FAHD2A: variants seen among roughly 807,000 people sequenced by gnomAD.
FAHD2A encodes oxaloacetate tautomerase FAHD2A, mitochondrial.
Under a neutral mutation model 33.4 loss-of-function variants are expected in FAHD2A, and 27 were observed. The observed-to-expected ratio is 0.81, with a 90% CI of 0.60 to 1.11. The LOEUF is 1.11. Ranked by LOEUF, FAHD2A falls within the 50% of genes most tolerant of loss-of-function variation. The probability of loss-of-function intolerance (pLI) is 0.00; values close to 1 mark genes in which losing one functional copy is unlikely to be tolerated. For synonymous variants in FAHD2A, 130 were observed against 153.3 expected (o/e 0.85, Z 1.12); for missense variants, 296 against 395.0 (o/e 0.75, Z 2.12).
downstream of FAHD2A, among the ~76,000 whole-genome samples, chr2:95,417,257 A>G (rs1683236944): frequency 6.6e-6 from 1 of 152,232 alleles, no homozygotes; most frequent in South Asian, 2.1e-4. Context: ...TGAATCCTAA[A>G]CATCACCCTT....
downstream of FAHD2A, among the ~76,000 whole-genome samples, chr2:95,418,983 C>T (rs533954903): frequency 2.3e-4 from 35 of 152,160 alleles, 1 homozygote; most frequent in African/African-American, 8.0e-4. Context: ...AAGACACAGA[C>T]ATACAGAGAG....
rs1259672995 is a variant in FAHD2A, at chr2:95,410,859, C to T, written c.523-5C>T. 5 of 1,613,794 alleles carry T rather than the reference C, an allele frequency of 3.1e-6. No homozygotes were observed. The highest frequency in any genetic ancestry group is 4.2e-6 in the Non-Finnish European group (5 of 1,179,810). Reference sequence around the variant, plus strand: ...CCTGTATGGCCAAATCCCCTGCCCCCATAGGCCACAGATGCTATGGCCCAC... The same window carrying T: ...CCTGTATGGCCAAATCCCCTGCCCCTATAGGCCACAGATGCTATGGCCCAC... On this transcript the variant is annotated splice_polypyrimidine_tract_variant and splice_region_variant and intron_variant, in intron 4 of 7. Transcript: ENST00000233379.
chr2:95,413,433 A>T lies in FAHD2A; in HGVS notation c.*476A>T, dbSNP rs1036456212. The T allele has an allele frequency of 1.0e-5, 16 of 1,606,544 alleles. No homozygotes were observed. The highest frequency in any genetic ancestry group is 1.3e-5 in the Non-Finnish European group (15 of 1,178,390). Reference sequence around the variant, plus strand: ...TTCTGGGGCTCAGAAGTCTCAGCACAGGCTCCTTCTCACAGTTCTAGCTAC... The same window carrying T: ...TTCTGGGGCTCAGAAGTCTCAGCACTGGCTCCTTCTCACAGTTCTAGCTAC... On this transcript the variant is annotated 3_prime_UTR_variant, in exon 8 of 8. Transcript: ENST00000233379.
At chr2:95,405,001 G>A (rs1387325765) in intron 1 of FAHD2A, among the ~76,000 whole-genome samples, 1 of 152,236 alleles carries the variant, frequency 6.6e-6, no homozygotes, top group Non-Finnish European at 1.5e-5. Flanking sequence ...GACCAAAATA[G>A]CATTTAAAAA....
chr2:95,417,370 G>A (rs1404149553), downstream of FAHD2A, among the ~76,000 whole-genome samples: 1 of 152,048 alleles, frequency 6.6e-6, no homozygotes, highest in African/African-American at 2.4e-5. Context: ...AGTTTTTCAG[G>A]CTTCCTGACT....
Position 95,415,801 on chromosome 2 carries a change from A to T in FAHD2A, c.*2844A>T, listed in dbSNP as rs1390697058. The T allele has an allele frequency of 2.6e-5, 4 of 152,782 alleles. No individual in the cohort carries two copies. The East Asian group carries it at 7.7e-4, about 29-fold the overall frequency. The allele number at this position is 152,782 out of a possible 1,614,324, so 9.5% of individuals were successfully genotyped here. On this transcript the variant is annotated 3_prime_UTR_variant, in exon 8 of 8. Transcript: ENST00000233379. ...TCCGTGCGCAGGAGGTCACACTCCC[A>T]TGCTGCATCCCAGCCCCTCCAGAAG...
Position 95,412,466 on chromosome 2 carries a change from A to G in FAHD2A, c.718A>G (p.Asn240Asp), listed in dbSNP as rs1682692913. The change falls in exon 6 of 8, where the codon AAT (asparagine) becomes GAT (aspartate). Residue 240 changes from asparagine to aspartate, a missense_variant. By Grantham distance (23) the Asn-to-Asp change is conservative. Coordinates refer to ENST00000233379, the MANE Select transcript of FAHD2A (RefSeq NM_016044.3). The part of the protein sequence containing the change: ...PHNLKICCRV[N>D]GEVVQSGNTN... ...CAACTTAAAGATCTGCTGCCGAGTG[A>G]ATGGGGAAGTGGTCCAGAGCGGCAA... 1 of 1,613,826 alleles carries G rather than the reference A, an allele frequency of 6.2e-7. No individual in the cohort carries two copies. The highest frequency in any genetic ancestry group is 1.3e-5 in the African/African-American group (1 of 74,914).
chr2:95,413,844 A>G lies in FAHD2A; in HGVS notation c.*887A>G, dbSNP rs983837826. On this transcript the variant is annotated 3_prime_UTR_variant, in exon 8 of 8. Transcript: ENST00000233379. ...ACACCAAGTAAATCCCAGGGTCTTA[A>G]TGAGGCACCATCAGGCCAGCCCTGT... The G allele has an allele frequency of 1.3e-4, 95 of 759,764 alleles. No individual in the cohort carries two copies. Among genetic ancestry groups the G allele is most frequent in the Admixed American group, 1.1e-4 (5 of 47,352 alleles). The allele number at this position is 759,764 out of a possible 1,614,324, so 47.1% of individuals were successfully genotyped here. A position where few individuals can be genotyped will look rare whatever the true frequency, so the allele number is the denominator to read the frequency against.
At chr2:95,406,875 C>G (rs1422367977) in intron 2 of FAHD2A, 66 bp from the exon 3 acceptor site, 2 of 1,505,292 alleles carry the variant, frequency 1.3e-6, no homozygotes, top group East Asian at 4.9e-5. Flanking sequence ...GCAGGATCTG[C>G]CCAGCCTGCC....
chr2:95,405,311 C>G, intron 1 of FAHD2A: 1 of 478,678 alleles, frequency 2.1e-6, no homozygotes, highest in East Asian at 3.3e-5. Flanking sequence ...TCAGAAAGCA[C>G]TGGTTGAAGG....
chr2:95,413,330 A>G lies in FAHD2A; in HGVS notation c.*373A>G. 1.4e-6 allele frequency: 2 copies of G among 1,470,422 alleles called. No individual in the cohort carries two copies. The highest frequency in any genetic ancestry group is 9.0e-7 in the Non-Finnish European group (1 of 1,109,612). The allele number at this position is 1,470,422 out of a possible 1,614,324, so 91.1% of individuals were successfully genotyped here. On this transcript the variant is annotated 3_prime_UTR_variant, in exon 8 of 8. Transcript: ENST00000233379. ...AAAAAGCAAGAGATGGCAAGGGACA[A>G]TCAAGCCTCAATGATTATATTTATA...
At position 95,410,464 on chromosome 2, in the gene FAHD2A, C is replaced by A. The variant is rs191541450; in HGVS notation, c.463-63C>A. 1.3e-5 allele frequency: 20 copies of A among 1,562,652 alleles called. No homozygotes were observed. The African/African-American group carries it at 2.4e-4, about 19-fold the overall frequency. On this transcript the variant is annotated intron_variant, in intron 3 of 7. Coordinates refer to ENST00000233379, the MANE Select transcript of FAHD2A (RefSeq NM_016044.3). ...GAGGCCCTTCAGCATGGTGTGCAGC[C>A]TCTCAGCATGGACAGTGGGCCCTGA... is the stretch of plus-strand genomic sequence containing the variant.
rs1682652103 is a variant in FAHD2A, at chr2:95,412,298, G to GCACT, written c.686-135_686-132dup. ...TCTATACAGAAAGTTCTAACATAGA[G>GCACT]CACTGAGTCAATGTGGGCACTTTGA... On this transcript the variant is annotated intron_variant, in intron 5 of 7. Transcript: ENST00000233379. 14 of 970,422 alleles carry GCACT rather than the reference G, an allele frequency of 1.4e-5. No homozygotes were observed. The South Asian group carries it at 2.2e-4, about 16-fold the overall frequency. The allele number at this position is 970,422 out of a possible 1,614,324, so 60.1% of individuals were successfully genotyped here.
At chr2:95,419,783 C>G (rs535688733), downstream of FAHD2A, among the ~76,000 whole-genome samples, 1 of 151,954 alleles carries the variant, frequency 6.6e-6, no homozygotes, top group African/African-American at 2.4e-5. Context: ...CTCTCACATA[C>G]AGACCTATAT....
At chr2:95,417,241 T>C (rs921779978), downstream of FAHD2A, among the ~76,000 whole-genome samples, 6 of 152,324 alleles carry the variant, frequency 3.9e-5, no homozygotes, top group Non-Finnish European at 5.9e-5. Context: ...GAGTTGACCT[T>C]AATGCTGAAT....
At chr2:95,417,894 GTAGT>G (rs1201008265), downstream of FAHD2A, among the ~76,000 whole-genome samples, 1 of 152,110 alleles carries the variant, frequency 6.6e-6, no homozygotes, top group Non-Finnish European at 1.5e-5. Context: ...CACCCCACTG[GTAGT>G]TAGGGTTTCA....
rs1278168815 is a variant in FAHD2A at position 95,413,688 on chromosome 2, G to GT, written c.*734dup. The GT allele has an allele frequency of 7.0e-5, 77 of 1,103,970 alleles. No individual in the cohort carries two copies. Among genetic ancestry groups the GT allele is most frequent in the Non-Finnish European group, 9.3e-5 (73 of 786,438 alleles). 68.4% of individuals were successfully genotyped at this position (1,103,970 alleles called of 1,614,324 possible). A position where few individuals can be genotyped will look rare whatever the true frequency, so the allele number is the denominator to read the frequency against. ...GACCTCTGACCCCTTAGGCCTCAGT[G>GT]TTTGAGTGCAAATGCTGCCTCAAAG... On this transcript the variant is annotated 3_prime_UTR_variant, in exon 8 of 8. Transcript: ENST00000233379.
chr2:95,408,096 T>C (rs1361130811), intron 3 of FAHD2A, among the ~76,000 whole-genome samples: 4 of 140,778 alleles, frequency 2.8e-5, no homozygotes, highest in Non-Finnish European at 6.1e-5. Context: ...TTAAAACACA[T>C]TGGAAATATT....
rs1344333167 is a variant in FAHD2A, at chr2:95,405,534, C to T, written c.-6-19C>T. The stretch of plus-strand genomic sequence containing the variant: ...CTCTGGGATCCTCTGTCTCCTGGAT[C>T]CTGCATTTTTCTCTGCAGGCTCTGA... On this transcript the variant is annotated intron_variant, in intron 1 of 7. Coordinates refer to ENST00000233379, the MANE Select transcript of FAHD2A (RefSeq NM_016044.3). 8 of 1,598,148 alleles carry T rather than the reference C, an allele frequency of 5.0e-6. No individual in the cohort carries two copies. Among genetic ancestry groups the T allele is most frequent in the African/African-American group, 4.0e-5 (3 of 74,604 alleles).
Sources: gnomAD v4.1 joint callset for allele counts (sites outside exome capture counted in the v4.1 genomes callset) on GRCh38, gnomAD v4.1.1 for gene constraint, MANE v1.5 for transcripts, NCBI Gene and HGNC (gene_info 2026-07-23, HGNC 2026-07-21) for gene names.